PTPRD: variants seen among roughly 807,000 people sequenced by gnomAD.
PTPRD encodes protein tyrosine phosphatase receptor type D.
Under a neutral mutation model 214.5 loss-of-function variants are expected in PTPRD, and 34 were observed. The ratio of observed to expected loss-of-function variants is 0.16; its 90% confidence interval spans 0.12 to 0.21. The LOEUF (loss-of-function observed/expected upper bound fraction) is 0.21. Among genes scored for constraint, PTPRD ranks in the 10% least tolerant of loss-of-function variants. PTPRD has a pLI of 1.00. For synonymous variants in PTPRD, 1,128 were observed against 845.7 expected, an observed-to-expected ratio of 1.33 and a Z score of -5.79; for missense variants, 2,545 against 2,398.7, an observed-to-expected ratio of 1.06 and a Z score of -1.27.
rs1419679537 is a variant in PTPRD, at chr9:10,352,464, T to A, written c.-599-11447A>T. 1.4e-4 allele frequency among the ~76,000 whole-genome samples: 21 copies of A among 152,052 alleles called. 1 individual carries two copies. Among genetic ancestry groups the A allele is most frequent in the Admixed American group, 1.4e-3 (21 of 15,252 alleles). Reference sequence around the variant, plus strand: ...GCTGAATTAACATGATTTATTGCTATTCAAGTAGAAATTTTACATCACCTT... The same window carrying A: ...GCTGAATTAACATGATTTATTGCTAATCAAGTAGAAATTTTACATCACCTT... On this transcript the variant is annotated intron_variant, in intron 2 of 45. Transcript: ENST00000381196.
chr9:9,333,229 C>T (rs1364933579), intron 9 of PTPRD, among the ~76,000 whole-genome samples: 1 of 151,498 alleles, frequency 6.6e-6, no homozygotes, highest in Admixed American at 6.6e-5. Context: ...TAAGAAAAGG[C>T]TTTGTAGGTG....
At chr9:10,594,684 G>C (rs1170230824) in intron 2 of PTPRD, among the ~76,000 whole-genome samples, 2 of 151,922 alleles carry the variant, frequency 1.3e-5, no homozygotes, top group African/African-American at 2.4e-5. Flanking sequence ...TCGAATGAGA[G>C]ACTGCTTCAG....
intron 7 of PTPRD, among the ~76,000 whole-genome samples, chr9:9,614,996 A>G (rs2094767486): frequency 3.3e-5 from 5 of 152,162 alleles, no homozygotes; most frequent in Admixed American, 3.3e-4. Flanking sequence ...ACTGGGGAGA[A>G]ATTGCAGGAG....
intron 5 of PTPRD, among the ~76,000 whole-genome samples, chr9:9,820,192 T>C (rs951313360): frequency 6.6e-6 from 1 of 152,158 alleles, no homozygotes; most frequent in African/African-American, 2.4e-5. Context: ...GATTGGTGCA[T>C]ACGGTATCTC....
At chr9:9,982,576 C>G (rs115926913) in intron 4 of PTPRD, among the ~76,000 whole-genome samples, 1,752 of 151,626 alleles carry the variant, frequency 0.012, 30 homozygotes, top group African/African-American at 0.039. Flanking sequence ...TTTCTTCCCT[C>G]CTGAGGTAAG....
intron 9 of PTPRD, among the ~76,000 whole-genome samples, chr9:9,217,386 G>T (rs904436615): frequency 5.9e-5 from 9 of 152,120 alleles, no homozygotes; most frequent in African/African-American, 2.2e-4. Context: ...TCCCAGAGTT[G>T]TTACTTTACC....
chr9:10,373,961 T>C (rs1041704262), intron 2 of PTPRD, among the ~76,000 whole-genome samples: 2 of 152,074 alleles, frequency 1.3e-5, no homozygotes, highest in African/African-American at 2.4e-5. Context: ...CACAGGCATA[T>C]CTACCTGGTT....
At chr9:9,844,910 A>G (rs1357630305) in intron 5 of PTPRD, among the ~76,000 whole-genome samples, 1 of 151,308 alleles carries the variant, frequency 6.6e-6, no homozygotes, top group African/African-American at 2.4e-5. Context: ...TTAGCACAGA[A>G]AACTTGTAAC....
chr9:8,963,748 T>G (rs977263596), intron 11 of PTPRD, among the ~76,000 whole-genome samples: 4 of 151,850 alleles, frequency 2.6e-5, no homozygotes, highest in African/African-American at 9.7e-5. Flanking sequence ...GCCTTCTGAG[T>G]AGCTGGGCTA....
At chr9:10,057,138 A>G (rs768771004) in intron 3 of PTPRD, among the ~76,000 whole-genome samples, 3 of 152,124 alleles carry the variant, frequency 2.0e-5, no homozygotes, top group Non-Finnish European at 2.9e-5. Flanking sequence ...CCTGGATTTA[A>G]TTTATCATTT....
intron 11 of PTPRD, among the ~76,000 whole-genome samples, chr9:8,986,222 C>A (rs1218779662): frequency 6.6e-6 from 1 of 152,014 alleles, no homozygotes; most frequent in Non-Finnish European, 1.5e-5. Flanking sequence ...TGTCTATGAA[C>A]TCTCCAGAAG....
At chr9:9,459,213 A>C (rs1010298068) in intron 8 of PTPRD, among the ~76,000 whole-genome samples, 1 of 152,064 alleles carries the variant, frequency 6.6e-6, no homozygotes, top group Non-Finnish European at 1.5e-5. Context: ...GCCACCACAC[A>C]AAAGCTATCA....
intron 11 of PTPRD, among the ~76,000 whole-genome samples, chr9:8,925,622 G>A (rs1007933438): frequency 6.9e-6 from 1 of 145,632 alleles, no homozygotes; most frequent in Non-Finnish European, 1.5e-5. Flanking sequence ...CCTCTGCATG[G>A]AGATCCTCAA....
At chr9:9,054,913 C>A (rs1412096) in intron 10 of PTPRD, among the ~76,000 whole-genome samples, 34,279 of 152,066 alleles carry the variant, frequency 0.23, 4,658 homozygotes, top group Non-Finnish European at 0.3. Context: ...CCTGAGAGAG[C>A]TAATCCCCAA....
At chr9:9,919,035 C>T (rs10816232) in intron 5 of PTPRD, among the ~76,000 whole-genome samples, 57,792 of 151,890 alleles carry the variant, frequency 0.38, 12,164 homozygotes, top group Non-Finnish European at 0.47. Context: ...GATAGAATAA[C>T]ATCTGGCAGC....
At chr9:8,465,711 T>C (rs2096532070) in intron 31 of PTPRD, 36 bp from the exon 32 acceptor site, 3 of 1,543,702 alleles carry the variant, frequency 1.9e-6, no homozygotes, top group African/African-American at 2.8e-5. Flanking sequence ...AAAAGAACTG[T>C]AAATAATAAC....
intron 3 of PTPRD, among the ~76,000 whole-genome samples, chr9:10,225,911 T>A (rs1022262336): frequency 1.3e-5 from 2 of 152,046 alleles, no homozygotes; most frequent in African/African-American, 4.8e-5. Flanking sequence ...AAATGGGGCT[T>A]GAGAAGAATA....
chr9:9,641,990 C>G (rs564890267), intron 7 of PTPRD, among the ~76,000 whole-genome samples: 2 of 151,402 alleles, frequency 1.3e-5, no homozygotes, highest in South Asian at 4.2e-4. Flanking sequence ...GCATTATTCA[C>G]AATAGCAAAG....
intron 2 of PTPRD, among the ~76,000 whole-genome samples, chr9:10,593,947 T>G (rs1372219915): frequency 6.6e-6 from 1 of 152,024 alleles, no homozygotes; most frequent in Non-Finnish European, 1.5e-5. Context: ...CATTACAGTT[T>G]TCTGCTTTGT....
Sources: gnomAD v4.1 joint callset for allele counts (sites outside exome capture counted in the v4.1 genomes callset) on GRCh38, gnomAD v4.1.1 for gene constraint, MANE v1.5 for transcripts, NCBI Gene and HGNC (gene_info 2026-07-23, HGNC 2026-07-21) for gene names.